Variants in RANBP2 observed in about 807,000 individuals in gnomAD.
RANBP2 encodes the protein E3 SUMO-protein ligase RanBP2.
RANBP2 carries 57 observed loss-of-function variants against 303.6 expected under a neutral mutation model. The observed-to-expected ratio is 0.19, with a 90% CI of 0.15 to 0.23. The LOEUF (loss-of-function observed/expected upper bound fraction) is 0.23. RANBP2 is among the 10% of genes least tolerant of loss of function. The pLI is 1.00. For synonymous variants in RANBP2, 1,167 were observed against 1,301.5 expected (o/e 0.90, Z 2.23); for missense variants, 3,138 against 3,780.8 (o/e 0.83, Z 4.46).
chr2:109,382,827 T>C, the RANBP2 span, among the ~76,000 whole-genome samples: 4 of 152,234 alleles, frequency 2.6e-5, no homozygotes, highest in African/African-American at 9.6e-5. Context: ...TCAGGATTCC[T>C]AGTGCAGAGA....
chr2:109,306,059 C>T, the RANBP2 span, among the ~76,000 whole-genome samples: 1 of 152,154 alleles, frequency 6.6e-6, no homozygotes, highest in Admixed American at 6.5e-5. Context: ...TTACTGGCAG[C>T]GACAGTGGGA....
chr2:108,929,054 T>C, the RANBP2 span: 2 of 955,926 alleles, frequency 2.1e-6, no homozygotes, highest in African/African-American at 1.6e-5. Flanking sequence ...ATGCTGCTCC[T>C]TGTGGGATGG....
At chr2:109,689,390 G>A in the RANBP2 span, among the ~76,000 whole-genome samples, 1 of 152,236 alleles carries the variant, frequency 6.6e-6, no homozygotes, top group African/African-American at 2.4e-5. Flanking sequence ...AGGCCTCCTA[G>A]ATGGACCTTT....
intron 6 of RANBP2, among the ~76,000 whole-genome samples, chr2:108,737,993 C>G (rs964043843): frequency 2.9e-4 from 42 of 147,136 alleles, no homozygotes; most frequent in Middle Eastern, 3.6e-3. Flanking sequence ...GGATTACAGG[C>G]GTGAGCCACC....
At chr2:109,604,063 G>A in the RANBP2 span, among the ~76,000 whole-genome samples, 2 of 151,230 alleles carry the variant, frequency 1.3e-5, no homozygotes, top group South Asian at 2.1e-4. Context: ...TCGGGAGGCT[G>A]AGGCAGGAGA....
chr2:109,726,676 G>A, the RANBP2 span, among the ~76,000 whole-genome samples: 1 of 152,046 alleles, frequency 6.6e-6, no homozygotes, highest in Non-Finnish European at 1.5e-5. Flanking sequence ...TAGTTTTTGC[G>A]TTTTACATTT....
chr2:109,051,387 G>T, the RANBP2 span, among the ~76,000 whole-genome samples: 5 of 152,142 alleles, frequency 3.3e-5, no homozygotes, highest in South Asian at 2.1e-4. Context: ...TGATCAAAAT[G>T]TTTAGCCAAT....
chr2:109,454,163 A>G, the RANBP2 span, among the ~76,000 whole-genome samples: 2 of 152,254 alleles, frequency 1.3e-5, no homozygotes, highest in Non-Finnish European at 2.9e-5. Context: ...ACATTCACAC[A>G]GACATATTCA....
the RANBP2 span, among the ~76,000 whole-genome samples, chr2:108,912,162 A>G: frequency 6.6e-6 from 1 of 152,186 alleles, no homozygotes; most frequent in Non-Finnish European, 1.5e-5. Flanking sequence ...ATGGGCTGGC[A>G]CTAAACCAGT....
chr2:108,910,430 T>C, the RANBP2 span: 1 of 1,584,274 alleles, frequency 6.3e-7, no homozygotes, highest in African/African-American at 1.3e-5. Context: ...GGACCCCAGC[T>C]TCAGCTTGGT....
the RANBP2 span, chr2:108,847,002 T>C: frequency 2.5e-5 from 21 of 830,318 alleles, no homozygotes; most frequent in African/African-American, 2.9e-4. Context: ...AGCAATTCTT[T>C]TATCAAATAT....
the RANBP2 span, among the ~76,000 whole-genome samples, chr2:109,425,831 A>G: frequency 3.9e-5 from 6 of 152,248 alleles, no homozygotes; most frequent in African/African-American, 9.6e-5. Flanking sequence ...TCTTCAGCTC[A>G]TGGATCGAGG....
chr2:109,550,671 C>G, the RANBP2 span, among the ~76,000 whole-genome samples: 2 of 152,180 alleles, frequency 1.3e-5, no homozygotes, highest in Admixed American at 6.5e-5. Flanking sequence ...GCTGAGCTAG[C>G]AGATGACTTC....
chr2:108,772,606 A>G (rs935138697), intron 22 of RANBP2, 25 bp downstream of exon 22: 3 of 1,587,896 alleles, frequency 1.9e-6, no homozygotes, highest in South Asian at 1.1e-5. Flanking sequence ...AAGGACATTT[A>G]TAATGCTTTT....
At chr2:109,237,179 ACT>A in the RANBP2 span, among the ~76,000 whole-genome samples, 12 of 152,254 alleles carry the variant, frequency 7.9e-5, no homozygotes, top group African/African-American at 1.7e-4. Flanking sequence ...ATATATGAAC[ACT>A]CTGTTAAAAG....
chr2:109,106,558 C>T, the RANBP2 span, among the ~76,000 whole-genome samples: 179 of 152,182 alleles, frequency 1.2e-3, no homozygotes, highest in East Asian at 0.016. Context: ...TAATCCTGGC[C>T]GGGTGCGGTG....
the RANBP2 span, among the ~76,000 whole-genome samples, chr2:109,441,817 T>C: frequency 6.6e-6 from 1 of 151,812 alleles, no homozygotes; most frequent in Non-Finnish European, 1.5e-5. Flanking sequence ...AAAGATACAT[T>C]ACATGAAATA....
the RANBP2 span, among the ~76,000 whole-genome samples, chr2:109,215,169 C>A: frequency 6.6e-6 from 1 of 152,206 alleles, no homozygotes; most frequent in Non-Finnish European, 1.5e-5. Flanking sequence ...TCTCTCTGAG[C>A]ATTGCTCAAT....
the RANBP2 span, among the ~76,000 whole-genome samples, chr2:109,772,668 C>T: frequency 4.4e-4 from 49 of 112,424 alleles, no homozygotes; most frequent in African/African-American, 1.7e-3. Flanking sequence ...AGGTGATGGC[C>T]TGCATGAGGG....
Sources: allele counts gnomAD v4.1 joint callset (sites outside exome capture counted in the v4.1 genomes callset), GRCh38; gene constraint gnomAD v4.1.1; transcripts MANE v1.5; gene names NCBI Gene and HGNC (gene_info 2026-07-23, HGNC 2026-07-21).